Variants in SCARA3 observed in about 807,000 individuals in gnomAD.
SCARA3 encodes scavenger receptor class A member 3.
In SCARA3, 39 loss-of-function variants were observed where a neutral mutation model predicts 47.0. The ratio of observed to expected loss-of-function variants is 0.83; its 90% confidence interval spans 0.64 to 1.08. The LOEUF is 1.08. Ranked by LOEUF, SCARA3 falls within the 50% of genes least tolerant of loss-of-function variation. The pLI is 0.00. For missense variants in SCARA3, 724 were observed against 792.3 expected, an observed-to-expected ratio of 0.91 and a Z score of 1.04; for synonymous variants, 356 against 334.1, an observed-to-expected ratio of 1.07 and a Z score of -0.71.
chr8:27,709,240 T>C, the SCARA3 span, among the ~76,000 whole-genome samples: 2 of 152,224 alleles, frequency 1.3e-5, no homozygotes, highest in African/African-American at 2.4e-5. Context: ...TGCAGGTTTC[T>C]AACCTGTGAG....
At chr8:27,668,792 T>C (rs2128923359) in intron 5 of SCARA3, among the ~76,000 whole-genome samples, 2 of 152,188 alleles carry the variant, frequency 1.3e-5, no homozygotes, top group South Asian at 4.2e-4. Context: ...TGAGCTATGA[T>C]TGTGCCACTG....
chr8:27,671,656 A>ATG lies in SCARA3; in HGVS notation c.*305_*306insTG, dbSNP rs1802164794. On this transcript the variant is annotated 3_prime_UTR_variant, in exon 6 of 6. Transcript: ENST00000301904. Reference sequence around the variant, plus strand: ...CATACATGCATGCACACACACATGCACGCACACACACATGCACACATACAC... The same window carrying ATG: ...CATACATGCATGCACACACACATGCATGCGCACACACACATGCACACATACAC... 2 of 1,099,906 alleles carry ATG rather than the reference A, an allele frequency of 1.8e-6. No homozygotes were observed. Among genetic ancestry groups the ATG allele is most frequent in the Non-Finnish European group, 2.2e-6 (2 of 898,708 alleles). 68.1% of individuals were successfully genotyped at this position (1,099,906 alleles called of 1,614,324 possible).
chr8:27,633,609 C>G (rs1012902177), upstream of SCARA3, among the ~76,000 whole-genome samples: 2 of 151,878 alleles, frequency 1.3e-5, no homozygotes, highest in South Asian at 2.1e-4. Context: ...TGAGCCCCCC[C>G]ATTGCGGCCG....
chr8:27,637,640 A>C (rs1187982787), intron 1 of SCARA3, among the ~76,000 whole-genome samples: 1 of 151,942 alleles, frequency 6.6e-6, no homozygotes, highest in Non-Finnish European at 1.5e-5. Context: ...CTTTGCCCCG[A>C]GAGACTTCTG....
At chr8:27,690,140 A>C in the SCARA3 span, among the ~76,000 whole-genome samples, 29 of 152,250 alleles carry the variant, frequency 1.9e-4, no homozygotes, top group African/African-American at 5.1e-4. Flanking sequence ...TCTGGGATAA[A>C]ATACAGGAAT....
At chr8:27,666,426 A>G (rs1230732651) in intron 5 of SCARA3, among the ~76,000 whole-genome samples, 1 of 152,180 alleles carries the variant, frequency 6.6e-6, no homozygotes, top group Non-Finnish European at 1.5e-5. Flanking sequence ...GGGAGGTTGA[A>G]TCTGTCATAA....
downstream of SCARA3, chr8:27,676,478 A>C (rs891629311): frequency 3.4e-6 from 5 of 1,465,190 alleles, no homozygotes; most frequent in African/African-American, 7.0e-5. Context: ...CTAAGCCCAA[A>C]GTCTCCAACA....
chr8:27,667,799 C>G (rs1256745029), intron 5 of SCARA3, among the ~76,000 whole-genome samples: 7 of 152,194 alleles, frequency 4.6e-5, no homozygotes, highest in Non-Finnish European at 7.3e-5. Context: ...ATCCGCCAGC[C>G]GTGACACGGG....
Position 27,649,703 on chromosome 8 carries a change from G to C in SCARA3, c.9G>C (p.Val3=). Residue 3 remains valine (V), a splice_region_variant and synonymous_variant, in exon 2 of 6, where the codon GTG becomes GTC. Coordinates refer to ENST00000301904, the MANE Select transcript of SCARA3 (RefSeq NM_016240.3). MK[V]RSAGGDGDAL... ...CTGACGGCACTGGCTTCATTATAGTGAGGTCGGCCGGCGGCGATGGAGATG... is the reference window on the plus strand; with the variant it reads ...CTGACGGCACTGGCTTCATTATAGTCAGGTCGGCCGGCGGCGATGGAGATG... 2 of 1,614,054 alleles carry C rather than the reference G, an allele frequency of 1.2e-6. No individual in the cohort carries two copies. The highest frequency in any genetic ancestry group is 1.7e-6 in the Non-Finnish European group (2 of 1,180,008).
intron 1 of SCARA3, among the ~76,000 whole-genome samples, chr8:27,640,375 G>GTTATTT (rs1216718594): frequency 1.3e-5 from 2 of 151,970 alleles, no homozygotes; most frequent in Admixed American, 6.6e-5. Flanking sequence ...CACTATCCAT[G>GTTATTT]TTATTTTTAT....
At chr8:27,652,589 C>T (rs1055358755) in intron 3 of SCARA3, among the ~76,000 whole-genome samples, 7 of 152,212 alleles carry the variant, frequency 4.6e-5, no homozygotes, top group Non-Finnish European at 1.0e-4. Flanking sequence ...TGGAGATATT[C>T]GGTAACCAGC....
At chr8:27,713,135 G>A in the SCARA3 span, among the ~76,000 whole-genome samples, 1 of 152,180 alleles carries the variant, frequency 6.6e-6, no homozygotes, top group Non-Finnish European at 1.5e-5. Flanking sequence ...TATAGCAAAA[G>A]ATCCAATTCA....
chr8:27,653,570 C>CGTGTGTGTGTGTATGT, intron 3 of SCARA3, among the ~76,000 whole-genome samples: 1 of 145,196 alleles, frequency 6.9e-6, no homozygotes, highest in East Asian at 2.1e-4. Flanking sequence ...ATTTGTAAAG[C>CGTGTGTGTGTGTATGT]GTGTGTGTGT....
chr8:27,637,945 G>T (rs891742448), intron 1 of SCARA3, among the ~76,000 whole-genome samples: 5 of 152,034 alleles, frequency 3.3e-5, no homozygotes, highest in African/African-American at 1.2e-4. Flanking sequence ...AAGAAAAGGA[G>T]CTGATGTGGT....
chr8:27,637,398 C>A (rs1287648948), intron 1 of SCARA3, among the ~76,000 whole-genome samples: 4 of 152,210 alleles, frequency 2.6e-5, no homozygotes, highest in Non-Finnish European at 5.9e-5. Flanking sequence ...TCCACACTTC[C>A]AGTAAGAGTG....
At chr8:27,658,395 GCTA>G in intron 4 of SCARA3, 98 bp from the exon 5 acceptor site, 1 of 1,133,906 alleles carries the variant, frequency 8.8e-7, no homozygotes, top group Non-Finnish European at 1.2e-6. Context: ...GGTTTGGGAA[GCTA>G]CTAACCAATT....
the SCARA3 span, among the ~76,000 whole-genome samples, chr8:27,695,850 A>T: frequency 6.6e-6 from 1 of 152,182 alleles, no homozygotes; most frequent in Admixed American, 6.5e-5. Context: ...GAAAAAATAC[A>T]GTAGAAAAAT....
the SCARA3 span, among the ~76,000 whole-genome samples, chr8:27,726,746 T>G: frequency 6.6e-6 from 1 of 151,938 alleles, no homozygotes; most frequent in African/African-American, 2.4e-5. Flanking sequence ...ACCAAAGAGA[T>G]TTGATTTTAA....
chr8:27,656,701 A>C, intron 3 of SCARA3, 81 bp from the exon 4 acceptor site: 1 of 876,686 alleles, frequency 1.1e-6, no homozygotes, highest in South Asian at 1.3e-5. Flanking sequence ...AGAGGAGCTG[A>C]TAAAGATGCC....
Sources: allele counts gnomAD v4.1 joint callset (sites outside exome capture counted in the v4.1 genomes callset), GRCh38; gene constraint gnomAD v4.1.1; transcripts MANE v1.5; gene names NCBI Gene and HGNC (gene_info 2026-07-23, HGNC 2026-07-21).